XKR9: variants seen among roughly 807,000 people sequenced by gnomAD.
The protein encoded by XKR9 is XK related 9.
In XKR9, 32 loss-of-function variants were observed where a neutral mutation model predicts 32.0. That is an observed-to-expected ratio of 1.00 (90% CI 0.76 to 1.34). The LOEUF is 1.34. Ranked by LOEUF, XKR9 falls within the 40% of genes most tolerant of loss-of-function variation. XKR9 has a pLI of 0.00. For synonymous variants in XKR9, 168 were observed against 143.4 expected (o/e 1.17, Z -1.22); for missense variants, 546 against 429.7 (o/e 1.27, Z -2.39).
the XKR9 span, among the ~76,000 whole-genome samples, chr8:71,034,125 G>T: frequency 2.0e-5 from 3 of 152,090 alleles, no homozygotes; most frequent in Admixed American, 2.0e-4. Context: ...GATATGGTCT[G>T]GCTCTGTGTC....
rs186635286 is a variant in XKR9, at chr8:70,709,510, C to T, written c.493+2357C>T. ...TCGAATAGGAAGAGATGAAGTAAAACTATCCCTGTTTGCAAACAATATGAT... is the reference window on the plus strand; with the variant it reads ...TCGAATAGGAAGAGATGAAGTAAAATTATCCCTGTTTGCAAACAATATGAT... On this transcript the variant is annotated intron_variant, in intron 4 of 4. Coordinates refer to ENST00000408926, the MANE Select transcript of XKR9 (RefSeq NM_001011720.2). Among the ~76,000 whole-genome samples, 10 of 152,270 alleles carry T rather than the reference C, an allele frequency of 6.6e-5. No homozygotes were observed. The East Asian group carries it at 1.9e-3, about 29-fold the overall frequency.
chr8:70,812,401 TCAC>T, the XKR9 span, among the ~76,000 whole-genome samples: 1 of 152,198 alleles, frequency 6.6e-6, no homozygotes, highest in Non-Finnish European at 1.5e-5. Context: ...ATGCCCTCTC[TCAC>T]CACTCCTATT....
the XKR9 span, among the ~76,000 whole-genome samples, chr8:71,036,592 A>G: frequency 1.3e-5 from 2 of 152,144 alleles, no homozygotes; most frequent in Non-Finnish European, 2.9e-5. Context: ...TATGAGCCTC[A>G]TCTGTAAAAT....
chr8:70,849,328 A>G, the XKR9 span, among the ~76,000 whole-genome samples: 3 of 152,222 alleles, frequency 2.0e-5, no homozygotes, highest in Non-Finnish European at 4.4e-5. Context: ...AAACTGCAAA[A>G]CTACATGGAA....
the XKR9 span, among the ~76,000 whole-genome samples, chr8:70,970,810 G>A: frequency 6.6e-6 from 1 of 152,182 alleles, no homozygotes; most frequent in East Asian, 1.9e-4. Flanking sequence ...AATAACAGAT[G>A]CTGGAGAGGA....
chr8:70,963,374 G>A, the XKR9 span, among the ~76,000 whole-genome samples: 29 of 152,100 alleles, frequency 1.9e-4, no homozygotes, highest in African/African-American at 6.0e-4. Flanking sequence ...TCATTATTGG[G>A]CATTTAGGTT....
intron 4 of XKR9, among the ~76,000 whole-genome samples, chr8:70,709,622 T>C (rs1436624482): frequency 6.6e-6 from 1 of 152,166 alleles, no homozygotes; most frequent in East Asian, 1.9e-4. Flanking sequence ...ACAAGATCGA[T>C]GTACAAAACA....
At chr8:70,741,631 A>G (rs781403633) in intron 2 of XKR9, among the ~76,000 whole-genome samples, 2 of 152,140 alleles carry the variant, frequency 1.3e-5, no homozygotes, top group African/African-American at 4.8e-5. Context: ...TTGTTTATCC[A>G]TTCATTCATT....
chr8:70,839,226 T>A, the XKR9 span, among the ~76,000 whole-genome samples: 1 of 152,136 alleles, frequency 6.6e-6, no homozygotes, highest in Non-Finnish European at 1.5e-5. Context: ...AAACCCATAT[T>A]GTGTCTTGAA....
At chr8:70,820,924 C>A in the XKR9 span, among the ~76,000 whole-genome samples, 1 of 152,216 alleles carries the variant, frequency 6.6e-6, no homozygotes, top group Admixed American at 6.5e-5. Context: ...TCTTCCCTCC[C>A]AAATCTCATG....
At chr8:70,682,483 G>A (rs62533065) in intron 3 of XKR9, among the ~76,000 whole-genome samples, 11,036 of 152,170 alleles carry the variant, frequency 0.073, 471 homozygotes, top group Non-Finnish European at 0.089. Context: ...ATTATAAATT[G>A]TATTATAAAA....
At chr8:70,820,416 G>C in the XKR9 span, among the ~76,000 whole-genome samples, 6 of 152,182 alleles carry the variant, frequency 3.9e-5, no homozygotes, top group South Asian at 2.1e-4. Context: ...TCTGCTTCTG[G>C]TAAGGGTCTG....
chr8:70,805,845 A>T, the XKR9 span, among the ~76,000 whole-genome samples: 1 of 152,152 alleles, frequency 6.6e-6, no homozygotes, highest in South Asian at 2.1e-4. Flanking sequence ...AGGAGTATAG[A>T]CAGCCCAGAT....
At chr8:70,733,476 C>G (rs1311035247) in intron 4 of XKR9, among the ~76,000 whole-genome samples, 1 of 151,936 alleles carries the variant, frequency 6.6e-6, no homozygotes, top group East Asian at 1.9e-4. Context: ...ATCAGTTGCT[C>G]AATAAAATTT....
intron 3 of XKR9, among the ~76,000 whole-genome samples, chr8:70,691,691 T>G (rs1196795588): frequency 6.6e-6 from 1 of 152,202 alleles, no homozygotes; most frequent in Non-Finnish European, 1.5e-5. Flanking sequence ...CATTGCTTGT[T>G]TTTGTCAGCT....
intron 2 of XKR9, among the ~76,000 whole-genome samples, chr8:70,778,999 G>A (rs1807575117): frequency 6.6e-6 from 1 of 152,150 alleles, no homozygotes; most frequent in Non-Finnish European, 1.5e-5. Context: ...AATAGGAGTG[G>A]TGAGAGAAGG....
the XKR9 span, among the ~76,000 whole-genome samples, chr8:70,829,658 C>T: frequency 1.3e-5 from 2 of 152,100 alleles, no homozygotes; most frequent in African/African-American, 4.8e-5. Context: ...CTGTGTTAGC[C>T]GGGATGGTCT....
At chr8:70,896,390 T>A in the XKR9 span, among the ~76,000 whole-genome samples, 5 of 152,116 alleles carry the variant, frequency 3.3e-5, no homozygotes, top group Non-Finnish European at 7.4e-5. Context: ...ATATTTAGAT[T>A]TTCTATCTCT....
the XKR9 span, among the ~76,000 whole-genome samples, chr8:70,839,171 C>T: frequency 4.5e-4 from 69 of 152,148 alleles, 2 homozygotes; most frequent in South Asian, 0.012. Context: ...ATTCATATGA[C>T]TTGGAGGTAT....
Sources: allele counts gnomAD v4.1 joint callset (sites outside exome capture counted in the v4.1 genomes callset), GRCh38; gene constraint gnomAD v4.1.1; transcripts MANE v1.5; gene names NCBI Gene and HGNC (gene_info 2026-07-23, HGNC 2026-07-21).